KIAA0586: variants seen among roughly 807,000 people sequenced by gnomAD.
KIAA0586 encodes KIAA0586, also known as protein TALPID3.
KIAA0586 carries 144 observed loss-of-function variants against 169.8 expected under a neutral mutation model. The observed-to-expected ratio is 0.85, with a 90% CI of 0.74 to 0.97. KIAA0586 has a LOEUF of 0.97. Ranked by LOEUF, KIAA0586 falls within the 50% of genes least tolerant of loss-of-function variation. KIAA0586 has a pLI of 0.00. For synonymous variants in KIAA0586, 625 were observed against 612.4 expected, an observed-to-expected ratio of 1.02 and a Z score of -0.30; for missense variants, 1,854 against 1,823.0, an observed-to-expected ratio of 1.02 and a Z score of -0.31.
At position 58,549,626 on chromosome 14, in the gene KIAA0586, T is replaced by C. The variant is rs773740364; in HGVS notation, c.*1694T>C. ...ATGGCCCTTTGGACAGTTCTGCTTA[T>C]AACAGTTTCCTTTAAACAAGTGGAA... On this transcript the variant is annotated 3_prime_UTR_variant, in exon 31 of 31. Coordinates refer to ENST00000652326, the MANE Select transcript of KIAA0586 (RefSeq NM_001329943.3). The C allele has an allele frequency of 1.3e-5, 2 of 152,252 alleles. No homozygotes were observed. Among genetic ancestry groups the C allele is most frequent in the Admixed American group, 6.5e-5 (1 of 15,284 alleles). 9.4% of individuals were successfully genotyped at this position (152,252 alleles called of 1,614,324 possible). A position where few individuals can be genotyped will look rare whatever the true frequency, so the allele number is the denominator to read the frequency against.
intron 29 of KIAA0586, among the ~76,000 whole-genome samples, chr14:58,534,482 G>C (rs981733457): frequency 6.6e-6 from 1 of 152,126 alleles, no homozygotes; most frequent in African/African-American, 2.4e-5. Flanking sequence ...TTTTTTAAAT[G>C]CTGAAGATTA....
chr14:58,516,297 C>G (rs1268806382), intron 29 of KIAA0586, among the ~76,000 whole-genome samples: 2 of 152,164 alleles, frequency 1.3e-5, no homozygotes, highest in African/African-American at 4.8e-5. Flanking sequence ...GGATGCCCCA[C>G]TTTGACCCTT....
intron 29 of KIAA0586, among the ~76,000 whole-genome samples, chr14:58,524,030 A>G (rs996655255): frequency 6.6e-6 from 1 of 152,226 alleles, no homozygotes; most frequent in Non-Finnish European, 1.5e-5. Context: ...ACAGTGGATT[A>G]TTCCACTAAA....
At chr14:58,527,879 G>A (rs879343827) in intron 29 of KIAA0586, among the ~76,000 whole-genome samples, 3 of 152,178 alleles carry the variant, frequency 2.0e-5, no homozygotes, top group Non-Finnish European at 4.4e-5. Flanking sequence ...ATGTACATGG[G>A]TTAAATGCCC....
At chr14:58,533,489 A>C (rs1255218511) in intron 29 of KIAA0586, among the ~76,000 whole-genome samples, 1 of 152,158 alleles carries the variant, frequency 6.6e-6, no homozygotes, top group Non-Finnish European at 1.5e-5. Context: ...ACTCTGGGTG[A>C]CTGTTATTGT....
the KIAA0586 span, among the ~76,000 whole-genome samples, chr14:58,557,901 C>CTTTTTTT: frequency 4.6e-3 from 197 of 42,514 alleles, 44 homozygotes; most frequent in African/African-American, 5.0e-3. Flanking sequence ...CCTGAGAAAT[C>CTTTTTTT]TTTTTTTTTT....
rs1206298200 is a variant in KIAA0586, at chr14:58,512,588, G to A, written c.4390G>A (p.Val1464Ile). 1.3e-6 allele frequency: 2 copies of A among 1,538,036 alleles called. No individual in the cohort carries two copies. The highest frequency in any genetic ancestry group is 5.0e-5 in the East Asian group (2 of 40,398). ...CAAACCATCACAAAGTTACCTACGTGTTAGAAATAAATCTGATATTGCACC... is the reference window on the plus strand; with the variant it reads ...CAAACCATCACAAAGTTACCTACGTATTAGAAATAAATCTGATATTGCACC... ...EHKPSQSYLR[V>I]RNKSDIAPSQ... Residue 1464 changes from valine (V) to isoleucine (I), a missense_variant, in exon 29 of 31, where the codon GTT becomes ATT. Val to Ile is a conservative substitution (Grantham distance 29). Transcript: ENST00000652326.
At chr14:58,495,020 G>T (rs188579182) in intron 26 of KIAA0586, among the ~76,000 whole-genome samples, 2 of 152,102 alleles carry the variant, frequency 1.3e-5, no homozygotes, top group East Asian at 3.9e-4. Context: ...CTTTCCACGC[G>T]TTCCAGTTTG....
chr14:58,435,728 A>T (rs1224933236), intron 4 of KIAA0586, among the ~76,000 whole-genome samples: 1 of 152,006 alleles, frequency 6.6e-6, no homozygotes, highest in Non-Finnish European at 1.5e-5. Flanking sequence ...TTTTTTTAAG[A>T]TGGAGTTTCA....
rs532092171 is a variant in KIAA0586, at chr14:58,548,368, CA to C, written c.*445del. 8.0e-3 allele frequency: 1,212 copies of C among 151,126 alleles called. 20 individuals are homozygous for C. Among genetic ancestry groups the C allele is most frequent in the African/African-American group, 0.028 (1,156 of 41,022 alleles). The allele number at this position is 151,126 out of a possible 1,614,324, so 9.4% of individuals were successfully genotyped here. On this transcript the variant is annotated 3_prime_UTR_variant, in exon 31 of 31. Transcript: ENST00000652326. ...CAGTACAATGGAATACTATGTATTA[CA>C]AAAAAAAATTTAAAAAGTTTATTGA... is the stretch of plus-strand genomic sequence containing the variant.
At chr14:58,437,014 A>G (rs752127687) in intron 4 of KIAA0586, among the ~76,000 whole-genome samples, 4 of 152,238 alleles carry the variant, frequency 2.6e-5, no homozygotes, top group Non-Finnish European at 5.9e-5. Flanking sequence ...ATTTCTTAAA[A>G]TACTCACTCT....
In KIAA0586 at chr14:58,467,899, G is replaced by A. The variant is rs1566843509; in HGVS notation, c.2419G>A (p.Asp807Asn). The change falls in exon 16 of 31, where the codon GAT (aspartate) becomes AAT (asparagine). Residue 807 changes from aspartate to asparagine, a missense_variant. By Grantham distance (23) the Asp-to-Asn change is conservative. Transcript: ENST00000652326. Reference protein sequence around the residue: ...AIVEMKSEKKDPPQLTVQVLP... With the variant: ...AIVEMKSEKKNPPQLTVQVLP... ...TGTAGAAATGAAGTCAGAAAAAAAG[G>A]ATCCTCCTCAGCTTACTGTGCAGGT... The A allele has an allele frequency of 1.9e-6, 3 of 1,613,152 alleles. No individual in the cohort carries two copies. In the South Asian group the frequency reaches 3.3e-5, roughly 18 times the overall value.
chr14:58,498,790 A>G lies in KIAA0586; in HGVS notation c.3998A>G (p.Glu1333Gly). The G allele has an allele frequency of 6.3e-7, 1 of 1,591,340 alleles. No homozygotes were observed. The highest frequency in any genetic ancestry group is 8.5e-7 in the Non-Finnish European group (1 of 1,172,192). Residue 1333 changes from glutamate to glycine, a missense_variant, in exon 27 of 31, where the codon GAA becomes GGA. Transcript: ENST00000652326. Reference sequence around the variant, plus strand: ...TGTTTCTGCTTTTTAAAGGACTTGGAAAACAGTGTGGGTGAACTTAGTGAA... The same window carrying G: ...TGTTTCTGCTTTTTAAAGGACTTGGGAAACAGTGTGGGTGAACTTAGTGAA... ...QQAVYHSEDL[E>G]NSVGELSEGQ... is the part of the protein sequence containing the mutation.
the KIAA0586 span, among the ~76,000 whole-genome samples, chr14:58,557,122 T>C: frequency 6.6e-6 from 1 of 152,240 alleles, no homozygotes; most frequent in Non-Finnish European, 1.5e-5. Flanking sequence ...CTACTGTTGA[T>C]GGACATTTGG....
At chr14:58,538,615 A>AT (rs1001331860) in intron 29 of KIAA0586, among the ~76,000 whole-genome samples, 8 of 151,178 alleles carry the variant, frequency 5.3e-5, no homozygotes, top group African/African-American at 1.7e-4. Context: ...CAATTAAATT[A>AT]TTTTTTACTA....
rs1312903951 is a variant in KIAA0586, at chr14:58,460,084, C to T, written c.1884+14C>T. The T allele has an allele frequency of 7.3e-7, 1 of 1,364,822 alleles. No homozygotes were observed. The highest frequency in any genetic ancestry group is 2.2e-5 in the Admixed American group (1 of 45,864). 84.5% of individuals were successfully genotyped at this position (1,364,822 alleles called of 1,614,324 possible). The stretch of plus-strand genomic sequence containing the variant: ...GAGAGAAAGGAAGTAAGATCCTAAT[C>T]TGTTCTTTTAACATAATTGTTGTGT... On this transcript the variant is annotated intron_variant, in intron 13 of 30. Transcript: ENST00000652326.
intron 29 of KIAA0586, among the ~76,000 whole-genome samples, chr14:58,518,067 A>AT (rs531395936): frequency 2.1e-4 from 32 of 152,106 alleles, no homozygotes; most frequent in Non-Finnish European, 3.8e-4. Flanking sequence ...ATAACTAAGA[A>AT]TTTTTCAATG....
intron 26 of KIAA0586, among the ~76,000 whole-genome samples, chr14:58,495,659 G>A (rs879924433): frequency 6.6e-6 from 1 of 151,938 alleles, no homozygotes; most frequent in Non-Finnish European, 1.5e-5. Context: ...TAAAAAGCAG[G>A]TTGCAAGGCT....
At chr14:58,489,110 C>T (rs1263075514) in intron 24 of KIAA0586, among the ~76,000 whole-genome samples, 1 of 151,984 alleles carries the variant, frequency 6.6e-6, no homozygotes, top group Non-Finnish European at 1.5e-5. Flanking sequence ...TTGGGGTAGG[C>T]CTTTCCAGTC....
Sources: gnomAD v4.1 joint callset for allele counts (sites outside exome capture counted in the v4.1 genomes callset) on GRCh38, gnomAD v4.1.1 for gene constraint, MANE v1.5 for transcripts, NCBI Gene and HGNC (gene_info 2026-07-23, HGNC 2026-07-21) for gene names.